EPHA3: variants seen among roughly 807,000 people sequenced by gnomAD.
The protein encoded by EPHA3 is EPH receptor A3.
In EPHA3, 42 loss-of-function variants were observed where a neutral mutation model predicts 107.1. The observed-to-expected ratio is 0.39, with a 90% CI of 0.31 to 0.51. The LOEUF is 0.51. Ranked by LOEUF, EPHA3 falls within the 20% of genes least tolerant of loss-of-function variation. The pLI is 0.78. For synonymous variants in EPHA3, 461 were observed against 424.8 expected (o/e 1.09, Z -1.05); for missense variants, 1,183 against 1,211.2 (o/e 0.98, Z 0.35).
intron 3 of EPHA3, among the ~76,000 whole-genome samples, chr3:89,320,505 T>C (rs1233891138): frequency 6.6e-6 from 1 of 152,040 alleles, no homozygotes; most frequent in African/African-American, 2.4e-5. Flanking sequence ...AGCCATCTTG[T>C]GTCATCTTCT....
chr3:89,370,510 G>A (rs977030185), intron 5 of EPHA3, among the ~76,000 whole-genome samples: 1 of 151,646 alleles, frequency 6.6e-6, no homozygotes, highest in African/African-American at 2.4e-5. Context: ...ACTGTTGTGG[G>A]GTGGGAGGAG....
intron 3 of EPHA3, among the ~76,000 whole-genome samples, chr3:89,274,716 C>G (rs549552333): frequency 6.2e-4 from 95 of 152,034 alleles, no homozygotes; most frequent in Non-Finnish European, 1.2e-3. Flanking sequence ...CTTGGGCTGT[C>G]AAAGTTTTCC....
intron 7 of EPHA3, among the ~76,000 whole-genome samples, chr3:89,403,446 C>G (rs1576361151): frequency 1.3e-5 from 2 of 151,822 alleles, no homozygotes; most frequent in East Asian, 3.9e-4. Context: ...GGCAACAAAC[C>G]TAGAATCTCC....
At chr3:89,283,612 C>T (rs1040415317) in intron 3 of EPHA3, among the ~76,000 whole-genome samples, 1 of 152,020 alleles carries the variant, frequency 6.6e-6, no homozygotes. Context: ...AGAGCAGAAG[C>T]AAAGTAACTG....
intron 3 of EPHA3, among the ~76,000 whole-genome samples, chr3:89,223,815 G>A (rs993544487): frequency 3.3e-5 from 5 of 151,952 alleles, no homozygotes; most frequent in Admixed American, 6.6e-5. Flanking sequence ...AGAGAAAATC[G>A]TATAATAAAG....
chr3:89,432,104 C>T (rs1177084221), intron 13 of EPHA3, among the ~76,000 whole-genome samples: 2 of 151,774 alleles, frequency 1.3e-5, no homozygotes, highest in Non-Finnish European at 2.9e-5. Flanking sequence ...TTTAATTTTT[C>T]CATATTTTAT....
chr3:89,314,304 G>A (rs534892503), intron 3 of EPHA3, among the ~76,000 whole-genome samples: 1 of 151,692 alleles, frequency 6.6e-6, no homozygotes, highest in African/African-American at 2.4e-5. Context: ...AGTATTTTAG[G>A]TTTTGTTTCT....
chr3:89,417,823 A>G (rs574380422), intron 10 of EPHA3, among the ~76,000 whole-genome samples: 60 of 151,618 alleles, frequency 4.0e-4, no homozygotes, highest in African/African-American at 1.4e-3. Context: ...TGCTATTATG[A>G]ATATTTATTA....
intron 10 of EPHA3, among the ~76,000 whole-genome samples, chr3:89,416,054 T>C (rs1272114458): frequency 6.6e-6 from 1 of 151,458 alleles, no homozygotes; most frequent in Non-Finnish European, 1.5e-5. Context: ...GTTTTTATTA[T>C]GCTTACTTTA....
In EPHA3 at chr3:89,363,252, T is replaced by C. The variant is rs1011235119; in HGVS notation, c.1306+21162T>C. Among the ~76,000 whole-genome samples, 5 of 150,362 alleles carry C rather than the reference T, an allele frequency of 3.3e-5. 1 individual carries two copies. The highest frequency in any genetic ancestry group is 9.7e-5 in the African/African-American group (4 of 41,216). On this transcript the variant is annotated intron_variant, in intron 5 of 16. Coordinates refer to ENST00000336596, the MANE Select transcript of EPHA3 (RefSeq NM_005233.6). ...CACCAATAGACTGTGTGTATTTATC[T>C]GTCTATTGAGAGAGAGATAGCGAGG...
intron 15 of EPHA3, among the ~76,000 whole-genome samples, chr3:89,469,415 G>A (rs1185035192): frequency 1.3e-5 from 2 of 152,052 alleles, no homozygotes; most frequent in Non-Finnish European, 2.9e-5. Flanking sequence ...TTCATGCATC[G>A]CTGTAAAAAT....
chr3:89,468,157 C>A (rs1409126432), intron 15 of EPHA3, among the ~76,000 whole-genome samples: 1 of 152,076 alleles, frequency 6.6e-6, no homozygotes, highest in Non-Finnish European at 1.5e-5. Context: ...AGGAAAGGAA[C>A]CAATTTTTAT....
intron 11 of EPHA3, among the ~76,000 whole-genome samples, chr3:89,422,480 C>T (rs188246006): frequency 5.1e-4 from 77 of 151,418 alleles, no homozygotes; most frequent in Non-Finnish European, 7.5e-4. Flanking sequence ...TCTGAAACAA[C>T]CTTACTCCTC....
At chr3:89,333,984 G>T (rs1195281986) in intron 3 of EPHA3, among the ~76,000 whole-genome samples, 1 of 152,112 alleles carries the variant, frequency 6.6e-6, no homozygotes, top group Non-Finnish European at 1.5e-5. Context: ...GTCATTAAAA[G>T]AGAAAATATC....
intron 3 of EPHA3, among the ~76,000 whole-genome samples, chr3:89,211,611 T>G (rs1371945796): frequency 3.3e-5 from 5 of 151,930 alleles, no homozygotes; most frequent in African/African-American, 1.2e-4. Flanking sequence ...GAACATAATA[T>G]TTTGCTTTTG....
At chr3:89,311,688 A>C (rs1706769528) in intron 3 of EPHA3, among the ~76,000 whole-genome samples, 1 of 152,042 alleles carries the variant, frequency 6.6e-6, no homozygotes, top group Non-Finnish European at 1.5e-5. Flanking sequence ...ATTCTGGCTT[A>C]GTGAATAGGG....
chr3:89,433,593 G>A (rs951965490), intron 13 of EPHA3, among the ~76,000 whole-genome samples: 5 of 152,076 alleles, frequency 3.3e-5, no homozygotes, highest in African/African-American at 4.8e-5. Flanking sequence ...CTTTGTTCAT[G>A]AATCTAAATT....
At chr3:89,451,707 T>C (rs1709993695) in intron 15 of EPHA3, among the ~76,000 whole-genome samples, 1 of 152,174 alleles carries the variant, frequency 6.6e-6, no homozygotes, top group African/African-American at 2.4e-5. Flanking sequence ...CTTCTTTGCA[T>C]AACCAGTTGC....
chr3:89,196,817 T>C (rs1323772170), intron 2 of EPHA3, among the ~76,000 whole-genome samples: 1 of 152,148 alleles, frequency 6.6e-6, no homozygotes, highest in Non-Finnish European at 1.5e-5. Context: ...ATAGCATAAA[T>C]CACATTCAAC....
Sources: gnomAD v4.1 joint callset for allele counts (sites outside exome capture counted in the v4.1 genomes callset) on GRCh38, gnomAD v4.1.1 for gene constraint, MANE v1.5 for transcripts, NCBI Gene and HGNC (gene_info 2026-07-23, HGNC 2026-07-21) for gene names.